Variants in USP10 observed in about 807,000 individuals in gnomAD.
USP10 encodes ubiquitin specific peptidase 10.
In USP10, 22 loss-of-function variants were observed where a neutral mutation model predicts 84.5. The observed-to-expected ratio is 0.26, with a 90% confidence interval of 0.19 to 0.37. USP10 has a LOEUF of 0.37. Ranked by LOEUF, USP10 falls within the 10% of genes least tolerant of loss-of-function variation. The pLI, the probability that USP10 is intolerant of heterozygous loss-of-function variation, is 1.00. For missense variants in USP10, 1,019 were observed against 998.9 expected (o/e 1.02, Z -0.27); for synonymous variants, 454 against 387.6 (o/e 1.17, Z -2.01).
At chr16:84,746,358 T>G (rs1911223408) in intron 4 of USP10, among the ~76,000 whole-genome samples, 2 of 152,236 alleles carry the variant, frequency 1.3e-5, no homozygotes, top group African/African-American at 4.8e-5. Context: ...CACGTGTTGC[T>G]TAACTAAGAT....
intron 1 of USP10, among the ~76,000 whole-genome samples, chr16:84,717,714 G>A (rs1190640583): frequency 6.6e-6 from 1 of 152,164 alleles, no homozygotes; most frequent in East Asian, 1.9e-4. Context: ...TTGAAGAGGA[G>A]ATGCATCACT....
At chr16:84,773,841 A>G (rs1284889283) in intron 12 of USP10, among the ~76,000 whole-genome samples, 2 of 152,208 alleles carry the variant, frequency 1.3e-5, no homozygotes, top group Non-Finnish European at 2.9e-5. Flanking sequence ...ACTCGCCTCC[A>G]GATCAGCTGT....
chr16:84,733,118 A>G, intron 1 of USP10: 1 of 482,778 alleles, frequency 2.1e-6, no homozygotes, highest in South Asian at 1.5e-5. Context: ...AAATGGAACA[A>G]CTGGCAGTAT....
At chr16:84,750,434 T>C (rs1476491475) in intron 4 of USP10, among the ~76,000 whole-genome samples, 2 of 148,250 alleles carry the variant, frequency 1.3e-5, no homozygotes, top group African/African-American at 2.5e-5. Flanking sequence ...CAAAACTTAA[T>C]AGCTTGTGTT....
chr16:84,702,419 A>G (rs1049771521), intron 1 of USP10, among the ~76,000 whole-genome samples: 6 of 152,164 alleles, frequency 3.9e-5, no homozygotes, highest in Admixed American at 2.6e-4. Context: ...GGAATCATGT[A>G]TGACAGGATT....
rs768085304 is a variant in USP10, at chr16:84,700,096, C to T, written c.6C>T (p.Ala2=). The T allele has an allele frequency of 1.5e-6, 2 of 1,359,184 alleles. No individual in the cohort carries two copies. The highest frequency in any genetic ancestry group is 1.4e-5 in the South Asian group (1 of 71,220). 84.2% of individuals were successfully genotyped at this position (1,359,184 alleles called of 1,614,324 possible). The change falls in exon 1 of 14, where the codon GCC becomes GCT. Residue 2 remains alanine (A), a synonymous_variant. Coordinates refer to ENST00000219473, the MANE Select transcript of USP10 (RefSeq NM_005153.3). M[A]LHSPQYIFGD... ...TCCCAATGAAACGGGCAGCCATGGC[C>T]CTCCACAGCCCGCAGGTAGCCGCCG... is the stretch of plus-strand genomic sequence containing the variant.
At chr16:84,718,771 A>G (rs1907396277) in intron 1 of USP10, among the ~76,000 whole-genome samples, 1 of 151,696 alleles carries the variant, frequency 6.6e-6, no homozygotes, top group Admixed American at 6.6e-5. Context: ...AACAAAAAAA[A>G]AGTTTTTCTT....
chr16:84,715,136 G>C (rs1906846094), intron 1 of USP10, among the ~76,000 whole-genome samples: 1 of 152,158 alleles, frequency 6.6e-6, no homozygotes, highest in East Asian at 1.9e-4. Context: ...CACCATATTG[G>C]CCGGTCTGGT....
chr16:84,738,576 G>A (rs1910227823), intron 2 of USP10, among the ~76,000 whole-genome samples: 1 of 152,154 alleles, frequency 6.6e-6, no homozygotes, highest in Non-Finnish European at 1.5e-5. Flanking sequence ...TCTTTGCCTT[G>A]CGGGTGCCAA....
At chr16:84,733,273 C>T (rs1159820009) in intron 1 of USP10, 162 bp from the exon 2 acceptor site, 1 of 612,566 alleles carries the variant, frequency 1.6e-6, no homozygotes, top group African/African-American at 1.9e-5. Flanking sequence ...TTTATATAAA[C>T]AACCTAGAAC....
chr16:84,722,904 C>T (rs370553469), intron 1 of USP10, among the ~76,000 whole-genome samples: 16 of 152,182 alleles, frequency 1.1e-4, no homozygotes, highest in East Asian at 3.9e-4. Flanking sequence ...AATTTTTTGT[C>T]CCTAGGAACA....
rs112209761 is a variant in USP10 at position 84,743,880 on chromosome 16, C to T, written c.152-753C>T. 9.4e-3 allele frequency among the ~76,000 whole-genome samples: 1,427 copies of T among 152,244 alleles called. 15 individuals are homozygous for T. The highest frequency in any genetic ancestry group is 0.032 in the African/African-American group (1,334 of 41,518). On this transcript the variant is annotated intron_variant, in intron 3 of 13. Coordinates refer to ENST00000219473, the MANE Select transcript of USP10 (RefSeq NM_005153.3). ...TTTTTCTTTTGGTATTTTTGGAAGGCTTTACCACCCATGGGGTTAATCCAG... is the reference window on the plus strand; with the variant it reads ...TTTTTCTTTTGGTATTTTTGGAAGGTTTTACCACCCATGGGGTTAATCCAG...
At chr16:84,741,951 A>G (rs976661312) in intron 3 of USP10, among the ~76,000 whole-genome samples, 24 of 152,164 alleles carry the variant, frequency 1.6e-4, no homozygotes, top group Non-Finnish European at 2.9e-4. Flanking sequence ...TGTTGGATGA[A>G]TGGTTTAGGA....
At chr16:84,704,781 C>A (rs1047776207) in intron 1 of USP10, 1 of 1,535,378 alleles carries the variant, frequency 6.5e-7, no homozygotes. Flanking sequence ...GACTTGAGAA[C>A]CCAGAAGCTC....
At chr16:84,746,898 C>T (rs1445378252) in intron 4 of USP10, among the ~76,000 whole-genome samples, 2 of 152,206 alleles carry the variant, frequency 1.3e-5, no homozygotes, top group South Asian at 2.1e-4. Context: ...TACAGCTATA[C>T]AAAAATATTT....
rs117245476 is a variant in USP10, at chr16:84,704,994, C to T, written c.21+4883C>T. On this transcript the variant is annotated intron_variant, in intron 1 of 13. Coordinates refer to ENST00000219473, the MANE Select transcript of USP10 (RefSeq NM_005153.3). ...CGGGCCCAGCACCTGCTACCGTCTG[C>T]GCTGTAATGGTGGCTGCTCCTAAGA... 4.0e-3 allele frequency: 5,146 copies of T among 1,296,142 alleles called. 122 individuals carry two copies. The Admixed American group carries it at 0.047, about 12-fold the overall frequency. The allele number at this position is 1,296,142 out of a possible 1,614,324, so 80.3% of individuals were successfully genotyped here.
At chr16:84,709,027 A>G (rs1244049905) in intron 1 of USP10, 1 of 152,222 alleles carries the variant, frequency 6.6e-6, no homozygotes, top group Non-Finnish European at 1.5e-5. Flanking sequence ...CAACATAGTC[A>G]AGAACATTCA....
At chr16:84,753,811 T>C (rs1271401441) in intron 4 of USP10, among the ~76,000 whole-genome samples, 2 of 152,246 alleles carry the variant, frequency 1.3e-5, no homozygotes, top group East Asian at 3.8e-4. Flanking sequence ...TACTGTCTAA[T>C]GAGAACTTAC....
At chr16:84,769,372 A>G (rs1385978534) in intron 11 of USP10, among the ~76,000 whole-genome samples, 1 of 152,190 alleles carries the variant, frequency 6.6e-6, no homozygotes, top group East Asian at 1.9e-4. Context: ...GATCAGTAGA[A>G]GTTATGCCTA....
Sources: allele counts gnomAD v4.1 joint callset (sites outside exome capture counted in the v4.1 genomes callset), GRCh38; gene constraint gnomAD v4.1.1; transcripts MANE v1.5; gene names NCBI Gene and HGNC (gene_info 2026-07-23, HGNC 2026-07-21).